The following WWOX variants were observed in gnomAD, a reference collection of about 807,000 sequenced individuals.
The protein encoded by WWOX is WW domain-containing oxidoreductase.
In WWOX, 69 loss-of-function variants were observed where a neutral mutation model predicts 46.2. The observed-to-expected ratio is 1.49, with a 90% confidence interval of 1.23 to 1.82. The LOEUF is 1.82. Ranked by LOEUF, WWOX falls within the 40% of genes most tolerant of loss-of-function variation. WWOX has a pLI of 0.00. For missense variants in WWOX, 919 were observed against 542.6 expected (o/e 1.69, Z -6.89); for synonymous variants, 359 against 202.6 (o/e 1.77, Z -6.56).
At position 78,385,134 on chromosome 16, in the gene WWOX, A is replaced by AACACACACACACACACACACAC. The variant is rs61262578; in HGVS notation, c.517-1720_517-1699dup. On this transcript the variant is annotated intron_variant, in intron 5 of 8. Transcript: ENST00000566780. ...GGGCGACAGAGTGAGACTCCATCTA[A>AACACACACACACACACACACAC]ACACACACACACACACACACACACA... Among the ~76,000 whole-genome samples, 1,102 of 143,084 alleles carry AACACACACACACACACACACAC rather than the reference A, an allele frequency of 7.7e-3. 12 individuals carry two copies. Among genetic ancestry groups the AACACACACACACACACACACAC allele is most frequent in the South Asian group, 0.012 (53 of 4,476 alleles). The allele number at this position is 143,084 out of a possible 152,430, so 93.9% of individuals were successfully genotyped here. A position where few individuals can be genotyped will look rare whatever the true frequency, so the allele number is the denominator to read the frequency against.
intron 8 of WWOX, among the ~76,000 whole-genome samples, chr16:78,920,386 C>T (rs996510778): frequency 1.3e-5 from 2 of 152,160 alleles, no homozygotes; most frequent in African/African-American, 4.8e-5. Context: ...ATGCTTTCCT[C>T]CTTGTGACTG....
intron 8 of WWOX, among the ~76,000 whole-genome samples, chr16:79,188,378 C>G (rs889751675): frequency 6.6e-6 from 1 of 152,186 alleles, no homozygotes; most frequent in Non-Finnish European, 1.5e-5. Context: ...CAAATGCTCT[C>G]TCTCTTTTTT....
intron 8 of WWOX, among the ~76,000 whole-genome samples, chr16:79,025,945 C>A (rs1028338750): frequency 5.9e-5 from 9 of 151,612 alleles, no homozygotes; most frequent in Non-Finnish European, 1.3e-4. Context: ...ATAATAGGTG[C>A]CTATCACCAC....
chr16:78,255,616 C>G (rs1388434632), intron 5 of WWOX, among the ~76,000 whole-genome samples: 1 of 152,152 alleles, frequency 6.6e-6, no homozygotes, highest in African/African-American at 2.4e-5. Flanking sequence ...AGGGCATCTT[C>G]TTCCTTCACA....
At chr16:78,534,670 G>C (rs924372808) in intron 8 of WWOX, 4 of 151,966 alleles carry the variant, frequency 2.6e-5, no homozygotes, top group Non-Finnish European at 5.9e-5. Context: ...TACATGTTTT[G>C]GGGGAATGTC....
chr16:79,052,534 A>T lies in WWOX; in HGVS notation c.1057-159074A>T, dbSNP rs112397606. 2.0e-4 allele frequency among the ~76,000 whole-genome samples: 30 copies of T among 152,302 alleles called. No individual in the cohort carries two copies. The East Asian group carries it at 3.9e-3, about 20-fold the overall frequency. On this transcript the variant is annotated intron_variant, in intron 8 of 8. Transcript: ENST00000566780. The stretch of plus-strand genomic sequence containing the variant: ...ATAGCAAAGACTTGGAACCAACCCA[A>T]ATGTCCAACAGTGGTAGACTGGATT...
intron 8 of WWOX, among the ~76,000 whole-genome samples, chr16:79,146,938 A>C (rs1332386597): frequency 1.3e-5 from 2 of 152,162 alleles, no homozygotes; most frequent in Non-Finnish European, 2.9e-5. Flanking sequence ...TTAATTGAAG[A>C]CTCACATGTA....
chr16:79,162,212 C>T (rs2050500042), intron 8 of WWOX, among the ~76,000 whole-genome samples: 1 of 152,150 alleles, frequency 6.6e-6, no homozygotes, highest in Admixed American at 6.5e-5. Flanking sequence ...TGATGAGATG[C>T]TGGTATGTAT....
At chr16:78,575,048 T>TAAATATATATATATATATATATATATAA (rs1567655103) in intron 8 of WWOX, among the ~76,000 whole-genome samples, 1 of 10,954 alleles carries the variant, frequency 9.1e-5, no homozygotes, top group Non-Finnish European at 1.9e-4. Flanking sequence ...TATATATATA[T>TAAATATATATATATATATATATATATAA]ATATATATAT....
At chr16:78,873,450 A>T (rs2044170326) in intron 8 of WWOX, 1 of 152,092 alleles carries the variant, frequency 6.6e-6, no homozygotes, top group Non-Finnish European at 1.5e-5. Flanking sequence ...TAAGTTGTTC[A>T]GCCATTTACA....
intron 8 of WWOX, among the ~76,000 whole-genome samples, chr16:78,681,023 C>T (rs779914287): frequency 2.0e-5 from 3 of 152,018 alleles, no homozygotes; most frequent in Non-Finnish European, 4.4e-5. Flanking sequence ...CCGAGGTGGG[C>T]GCATTGCCTG....
chr16:78,819,065 G>A (rs904426535), intron 8 of WWOX, among the ~76,000 whole-genome samples: 1 of 152,212 alleles, frequency 6.6e-6, no homozygotes, highest in African/African-American at 2.4e-5. Context: ...CTTAGCACAT[G>A]AGCAGGCCCA....
At chr16:78,564,704 C>T (rs1362740753) in intron 8 of WWOX, among the ~76,000 whole-genome samples, 1 of 152,200 alleles carries the variant, frequency 6.6e-6, no homozygotes. Context: ...ACCCTTCTTC[C>T]TGGCTCCAGT....
intron 8 of WWOX, among the ~76,000 whole-genome samples, chr16:79,018,766 C>T (rs965677021): frequency 2.0e-5 from 3 of 152,162 alleles, no homozygotes; most frequent in African/African-American, 7.2e-5. Flanking sequence ...GCAAGTGGTT[C>T]TGTGCTAAAT....
At chr16:78,741,063 C>T (rs2049213067) in intron 8 of WWOX, among the ~76,000 whole-genome samples, 1 of 152,146 alleles carries the variant, frequency 6.6e-6, no homozygotes, top group Admixed American at 6.5e-5. Flanking sequence ...TCCAGCCAGC[C>T]ACTCGTTTTT....
chr16:78,279,929 C>T (rs1295034519), intron 5 of WWOX, among the ~76,000 whole-genome samples: 1 of 152,194 alleles, frequency 6.6e-6, no homozygotes, highest in Non-Finnish European at 1.5e-5. Flanking sequence ...GAAATTTAAT[C>T]CTGTAACTAT....
At chr16:78,175,483 C>T (rs2035312467) in intron 5 of WWOX, among the ~76,000 whole-genome samples, 1 of 152,084 alleles carries the variant, frequency 6.6e-6, no homozygotes. Context: ...TGAGGTAGGT[C>T]CTAAAGGCTT....
intron 8 of WWOX, among the ~76,000 whole-genome samples, chr16:78,963,258 C>A (rs563660112): frequency 5.9e-5 from 9 of 152,114 alleles, no homozygotes; most frequent in African/African-American, 1.4e-4. Context: ...TCCTTGAGTC[C>A]GGGAGTTGAA....
intron 8 of WWOX, among the ~76,000 whole-genome samples, chr16:78,604,434 C>G (rs562106408): frequency 2.8e-4 from 42 of 152,186 alleles, no homozygotes; most frequent in African/African-American, 9.4e-4. Context: ...CTGAGTGATG[C>G]TGTGAGGGTG....
Sources: allele counts gnomAD v4.1 joint callset (sites outside exome capture counted in the v4.1 genomes callset), GRCh38; gene constraint gnomAD v4.1.1; transcripts MANE v1.5; gene names NCBI Gene and HGNC (gene_info 2026-07-23, HGNC 2026-07-21).